Variants in GAD2 observed in about 807,000 individuals in gnomAD.
GAD2 encodes 65 kDa glutamic acid decarboxylase.
A neutral mutation model predicts 80.1 loss-of-function variants in GAD2; 22 were observed. That is an observed-to-expected ratio of 0.27 (90% CI 0.20 to 0.39). The LOEUF is 0.39. Ranked by LOEUF, GAD2 falls within the 10% of genes least tolerant of loss-of-function variation. The pLI is 1.00. For synonymous variants in GAD2, 274 were observed against 256.9 expected, an observed-to-expected ratio of 1.07 and a Z score of -0.64; for missense variants, 624 against 738.4, an observed-to-expected ratio of 0.85 and a Z score of 1.80.
chr10:26,273,537 G>C, intron 10 of GAD2, 99 bp from the exon 11 acceptor site: 1 of 960,300 alleles, frequency 1.0e-6, no homozygotes, highest in Non-Finnish European at 1.7e-6. Flanking sequence ...TTCCTAAGTG[G>C]CCTGGGGTCA....
chr10:26,228,854 C>A (rs1027730449), intron 6 of GAD2, among the ~76,000 whole-genome samples: 5 of 152,116 alleles, frequency 3.3e-5, no homozygotes, highest in Admixed American at 3.3e-4. Context: ...CCACGAAACG[C>A]ATCACTGCTG....
chr10:26,252,840 T>C (rs1258635706), intron 8 of GAD2, among the ~76,000 whole-genome samples: 1 of 150,432 alleles, frequency 6.6e-6, no homozygotes, highest in African/African-American at 2.4e-5. Context: ...GTATTTTTAG[T>C]AGATATGGGG....
chr10:26,293,335 G>T (rs903382276), intron 15 of GAD2, among the ~76,000 whole-genome samples: 7 of 151,642 alleles, frequency 4.6e-5, no homozygotes, highest in Non-Finnish European at 8.8e-5. Context: ...TCACCACCAC[G>T]CCCAGACAAT....
At chr10:26,274,301 A>G (rs1270281472) in intron 11 of GAD2, among the ~76,000 whole-genome samples, 1 of 152,232 alleles carries the variant, frequency 6.6e-6, no homozygotes, top group Non-Finnish European at 1.5e-5. Flanking sequence ...GAGCCTACGC[A>G]GAAGACTGTT....
chr10:26,264,932 G>T (rs1390129394), intron 8 of GAD2, among the ~76,000 whole-genome samples: 1 of 152,170 alleles, frequency 6.6e-6, no homozygotes, highest in Non-Finnish European at 1.5e-5. Context: ...GTCAACTAGT[G>T]ACTCAGGCAC....
chr10:26,243,836 G>A (rs1472634898), intron 7 of GAD2, among the ~76,000 whole-genome samples: 1 of 152,224 alleles, frequency 6.6e-6, no homozygotes, highest in Non-Finnish European at 1.5e-5. Flanking sequence ...CTGAACCTGG[G>A]AGAAACTGAG....
chr10:26,287,033 G>C (rs924361286), intron 13 of GAD2, among the ~76,000 whole-genome samples: 1 of 152,116 alleles, frequency 6.6e-6, no homozygotes, highest in Non-Finnish European at 1.5e-5. Flanking sequence ...GAATTTAGCT[G>C]TAGGTGATCC....
chr10:26,227,789 C>T (rs1844548185), intron 6 of GAD2, among the ~76,000 whole-genome samples: 1 of 152,202 alleles, frequency 6.6e-6, no homozygotes, highest in South Asian at 2.1e-4. Flanking sequence ...TGAAGCAGAC[C>T]CTGCTTCCAG....
intron 12 of GAD2, among the ~76,000 whole-genome samples, chr10:26,283,891 G>C (rs986879539): frequency 6.6e-6 from 1 of 152,214 alleles, no homozygotes; most frequent in Non-Finnish European, 1.5e-5. Context: ...TTGAGGCTGT[G>C]GGGAGCTGGT....
intron 13 of GAD2, among the ~76,000 whole-genome samples, chr10:26,291,505 A>C (rs1834213720): frequency 6.6e-6 from 1 of 152,214 alleles, no homozygotes; most frequent in Non-Finnish European, 1.5e-5. Flanking sequence ...GTCACAAGTC[A>C]CTGGGCTATG....
intron 12 of GAD2, among the ~76,000 whole-genome samples, chr10:26,282,656 G>A (rs1390771297): frequency 6.6e-6 from 1 of 152,134 alleles, no homozygotes; most frequent in African/African-American, 2.4e-5. Flanking sequence ...AGAGTCACTT[G>A]ATAGAATCCT....
chr10:26,224,362 G>A (rs1196292776), intron 5 of GAD2, among the ~76,000 whole-genome samples, 177 bp from the exon 6 acceptor site: 2 of 152,108 alleles, frequency 1.3e-5, no homozygotes, highest in African/African-American at 2.4e-5. Flanking sequence ...TAGGGATATA[G>A]AAAAAATAAA....
At chr10:26,236,636 T>C (rs1356847685) in intron 7 of GAD2, among the ~76,000 whole-genome samples, 2 of 151,860 alleles carry the variant, frequency 1.3e-5, no homozygotes, top group East Asian at 3.9e-4. Flanking sequence ...ATTGGAGAGG[T>C]TTTTAGTTTC....
chr10:26,290,973 T>C (rs1471621001), intron 13 of GAD2, among the ~76,000 whole-genome samples: 1 of 152,224 alleles, frequency 6.6e-6, no homozygotes, highest in Non-Finnish European at 1.5e-5. Flanking sequence ...ATCATCCCCA[T>C]AGCAAGGTCC....
Position 26,286,441 on chromosome 10 carries a change from C to G in GAD2, c.1333C>G (p.Gln445Glu). 1 of 1,614,024 alleles carries G rather than the reference C, an allele frequency of 6.2e-7. No individual in the cohort carries two copies. The highest frequency in any genetic ancestry group is 8.5e-7 in the Non-Finnish European group (1 of 1,179,930). Residue 445 changes from glutamine (Q) to glutamate (E), a missense_variant, in exon 13 of 16, where the codon CAG (glutamine) becomes GAG (glutamate). Transcript: ENST00000376261. ...LSYDTGDKAL[Q>E]CGRHVDVFKL... is the part of the protein sequence containing the mutation. ...CTATGACACTGGAGACAAGGCCTTA[C>G]AGTGCGGACGCCACGTTGATGTTTT...
At chr10:26,237,802 G>A (rs529523830) in intron 7 of GAD2, among the ~76,000 whole-genome samples, 1 of 152,232 alleles carries the variant, frequency 6.6e-6, no homozygotes, top group Non-Finnish European at 1.5e-5. Flanking sequence ...GAGGTCAGGA[G>A]TTTGGGACCA....
chr10:26,292,799 G>T, intron 14 of GAD2, 103 bp from the exon 15 acceptor site: 1 of 1,008,592 alleles, frequency 9.9e-7, no homozygotes, highest in Non-Finnish European at 1.6e-6. Context: ...TGAAAAGTGG[G>T]AATTGTGTTC....
chr10:26,244,777 A>G (rs1179948659), intron 7 of GAD2, among the ~76,000 whole-genome samples: 1 of 152,188 alleles, frequency 6.6e-6, no homozygotes, highest in East Asian at 1.9e-4. Flanking sequence ...TTCAAGATGC[A>G]AAGAGTTCTG....
intron 8 of GAD2, among the ~76,000 whole-genome samples, chr10:26,255,417 G>T (rs1844930665): frequency 6.6e-6 from 1 of 152,120 alleles, no homozygotes; most frequent in African/African-American, 2.4e-5. Flanking sequence ...GATGAGAAAA[G>T]GGAGAACTAA....
Sources: allele counts gnomAD v4.1 joint callset (sites outside exome capture counted in the v4.1 genomes callset), GRCh38; gene constraint gnomAD v4.1.1; transcripts MANE v1.5; gene names NCBI Gene and HGNC (gene_info 2026-07-23, HGNC 2026-07-21).